Variants in RECK observed in about 807,000 individuals in gnomAD.
RECK encodes the protein reversion inducing cysteine rich protein with kazal motifs.
A neutral mutation model predicts 115.1 loss-of-function variants in RECK; 69 were observed. The ratio of observed to expected loss-of-function variants is 0.60; its 90% CI spans 0.49 to 0.73. The LOEUF (loss-of-function observed/expected upper bound fraction) is 0.73. Ranked by LOEUF, RECK falls within the 30% of genes least tolerant of loss-of-function variation. The pLI is 0.00. For synonymous variants in RECK, 414 were observed against 419.7 expected (o/e 0.99, Z 0.17); for missense variants, 1,047 against 1,203.7 (o/e 0.87, Z 1.93).
chr9:36,043,029 T>G (rs1380260773), intron 1 of RECK, among the ~76,000 whole-genome samples: 1 of 120,168 alleles, frequency 8.3e-6, no homozygotes, highest in African/African-American at 3.4e-5. Context: ...TTTTTTTTTT[T>G]TTTTTTTTTT....
intron 9 of RECK, among the ~76,000 whole-genome samples, chr9:36,088,475 G>A (rs887084699): frequency 7.2e-5 from 11 of 152,144 alleles, no homozygotes; most frequent in African/African-American, 2.7e-4. Flanking sequence ...TTGCAGTCTA[G>A]AGACAAAAAC....
chr9:36,084,191 G>C lies in RECK; in HGVS notation c.637+629G>C, dbSNP rs114674972. ...CAGGCAGATCGTTTTGCGCTCAGGA[G>C]TTTGAGACCAGCCTGGGCAACATGG... On this transcript the variant is annotated intron_variant, in intron 8 of 20. Transcript: ENST00000377966. Among the ~76,000 whole-genome samples the C allele has an allele frequency of 9.1e-3, 1,388 of 152,026 alleles. 12 individuals are homozygous for C. The highest frequency in any genetic ancestry group is 0.032 in the African/African-American group (1,326 of 41,464).
chr9:36,071,185 T>C (rs1393272909), intron 6 of RECK, among the ~76,000 whole-genome samples: 1 of 152,060 alleles, frequency 6.6e-6, no homozygotes, highest in Non-Finnish European at 1.5e-5. Context: ...ACAGTGTAGA[T>C]TCTTTTTGCA....
At position 36,105,130 on chromosome 9, in the gene RECK, T is replaced by C; in HGVS notation, c.1436-13T>C. ...TTTAGGTTGGTTAAACTAATCTGTT[T>C]TGGTTTTTTCAGGGCCAAGTACTTT... On this transcript the variant is annotated splice_polypyrimidine_tract_variant and intron_variant, in intron 12 of 20. Coordinates refer to ENST00000377966, the MANE Select transcript of RECK (RefSeq NM_021111.3). 6.2e-7 allele frequency: 1 copy of C among 1,612,580 alleles called. No homozygotes were observed. The highest frequency in any genetic ancestry group is 1.1e-5 in the South Asian group (1 of 90,908).
Position 36,117,067 on chromosome 9 carries a change from G to T in RECK, c.2143G>T (p.Ala715Ser). 6.2e-7 allele frequency: 1 copy of T among 1,614,092 alleles called. No individual in the cohort carries two copies. The highest frequency in any genetic ancestry group is 2.2e-5 in the East Asian group (1 of 44,888). ...GTATGAGTGTGTACCAAGACAGCTC[G>T]CGTGTGACCAGGTCCAAGATCCTGT... ...SQYECVPRQL[A>S]CDQVQDPVCD... Residue 715 changes from alanine (A) to serine (S), a missense_variant, in exon 17 of 21, where the codon GCG (alanine) becomes TCG (serine). By Grantham distance (99) the Ala-to-Ser change is moderately conservative. Transcript: ENST00000377966.
rs1262356892 is a variant in RECK, at chr9:36,080,585, T to C, written c.406-20T>C. ...CTCTGGTTGTTAATTTCTGTTTATTTGTTTTTCTTCAATTTACAGAATGCT... is the reference window on the plus strand; with the variant it reads ...CTCTGGTTGTTAATTTCTGTTTATTCGTTTTTCTTCAATTTACAGAATGCT... On this transcript the variant is annotated intron_variant, in intron 6 of 20. Coordinates refer to ENST00000377966, the MANE Select transcript of RECK (RefSeq NM_021111.3). 3 of 1,588,454 alleles carry C rather than the reference T, an allele frequency of 1.9e-6. No homozygotes were observed.
chr9:36,057,781 A>G (rs1489348105), intron 2 of RECK, among the ~76,000 whole-genome samples: 1 of 152,144 alleles, frequency 6.6e-6, no homozygotes, highest in Non-Finnish European at 1.5e-5. Context: ...AGATCACACC[A>G]CTACACCCCA....
intron 1 of RECK, among the ~76,000 whole-genome samples, chr9:36,039,044 A>G (rs1019865957): frequency 3.9e-5 from 6 of 152,358 alleles, no homozygotes; most frequent in African/African-American, 1.4e-4. Context: ...GTTTGCTCAT[A>G]AAATTCTTTT....
At chr9:36,059,598 T>C (rs1012600135) in intron 3 of RECK, among the ~76,000 whole-genome samples, 5 of 152,342 alleles carry the variant, frequency 3.3e-5, no homozygotes, top group East Asian at 1.9e-4. Context: ...ATATGACTTA[T>C]TATCTTCCAA....
At chr9:36,062,602 C>T (rs186072246) in intron 4 of RECK, among the ~76,000 whole-genome samples, 73 of 152,134 alleles carry the variant, frequency 4.8e-4, no homozygotes, top group African/African-American at 1.2e-3. Flanking sequence ...CTCACCCTCC[C>T]GAGTAGTTTG....
At chr9:36,089,463 A>G (rs562479697) in intron 9 of RECK, among the ~76,000 whole-genome samples, 6 of 152,378 alleles carry the variant, frequency 3.9e-5, no homozygotes, top group South Asian at 2.1e-4. Flanking sequence ...ATGAGATGTT[A>G]AATAACCTGT....
chr9:36,049,999 T>C (rs918019142), intron 1 of RECK, among the ~76,000 whole-genome samples: 6 of 152,210 alleles, frequency 3.9e-5, no homozygotes, highest in African/African-American at 1.4e-4. Flanking sequence ...ATTCTTTCTC[T>C]TAATTATCTT....
chr9:36,044,136 A>G (rs1422749011), intron 1 of RECK, among the ~76,000 whole-genome samples: 7 of 151,988 alleles, frequency 4.6e-5, no homozygotes, highest in Admixed American at 4.6e-4. Context: ...TGTTGTCTGT[A>G]ATTTCCTTCA....
chr9:36,100,408 G>C lies in RECK; in HGVS notation c.1163G>C (p.Gly388Ala). ...AMNDMKLWEKGSIKMPFINIP... is the reference protein window; with the variant it reads ...AMNDMKLWEKASIKMPFINIP... ...AATGACATGAAGTTGTGGGAGAAAG[G>C]AAGCATAAAGATGCCATTTATCAAT... The change falls in exon 11 of 21, where the codon GGA becomes GCA. Residue 388 changes from glycine to alanine, a missense_variant. By Grantham distance (60) the Gly-to-Ala change is moderately conservative (BLOSUM62 0). Coordinates refer to ENST00000377966, the MANE Select transcript of RECK (RefSeq NM_021111.3). The C allele has an allele frequency of 6.2e-7, 1 of 1,614,094 alleles. No individual in the cohort carries two copies. The highest frequency in any genetic ancestry group is 8.5e-7 in the Non-Finnish European group (1 of 1,179,964).
intron 1 of RECK, among the ~76,000 whole-genome samples, chr9:36,045,071 C>CG (rs1027776514): frequency 7.2e-5 from 11 of 151,920 alleles, no homozygotes; most frequent in Non-Finnish European, 1.2e-4. Flanking sequence ...GCAAATGATT[C>CG]GGGAAAAAAA....
chr9:36,080,596 A>C lies in RECK; in HGVS notation c.406-9A>C, dbSNP rs758824402. Reference sequence around the variant, plus strand: ...AATTTCTGTTTATTTGTTTTTCTTCAATTTACAGAATGCTCTTTTCAGTTG... The same window carrying C: ...AATTTCTGTTTATTTGTTTTTCTTCCATTTACAGAATGCTCTTTTCAGTTG... On this transcript the variant is annotated splice_polypyrimidine_tract_variant and intron_variant, in intron 6 of 20. Transcript: ENST00000377966. The C allele has an allele frequency of 6.2e-6, 10 of 1,602,796 alleles. No homozygotes were observed. The African/African-American group carries it at 1.2e-4, about 19-fold the overall frequency.
At chr9:36,121,456 G>C in intron 19 of RECK, 77 bp from the exon 20 acceptor site, 1 of 1,407,866 alleles carries the variant, frequency 7.1e-7, no homozygotes. Flanking sequence ...TCCTCAGCTG[G>C]CAGCCCAAAG....
chr9:36,115,413 A>C (rs983743405), intron 16 of RECK, among the ~76,000 whole-genome samples: 1 of 149,984 alleles, frequency 6.7e-6, no homozygotes, highest in Non-Finnish European at 1.5e-5. Context: ...TTAGGACATA[A>C]CAACAAACAA....
rs960262859 is a variant in RECK at position 36,108,039 on chromosome 9, C to A, written c.1640C>A (p.Ser547Ter). 1.7e-5 allele frequency: 27 copies of A among 1,613,982 alleles called. No individual in the cohort carries two copies. The highest frequency in any genetic ancestry group is 2.2e-5 in the Non-Finnish European group (26 of 1,180,006). The stretch of plus-strand genomic sequence containing the variant: ...CAAGGGACACTAATCCAGGTGCCAT[C>A]ATCTGCAGGGGAAGTTGGTTGTTAT... ...VRQGTLIQVP[S>*]SAGEVGCYKI... The change falls in exon 14 of 21, where the codon TCA becomes TAA. Residue 547 changes from serine to a stop codon, truncating the protein, a stop_gained. Transcript: ENST00000377966. LOFTEE classifies it high-confidence loss of function.
Sources: allele counts gnomAD v4.1 joint callset (sites outside exome capture counted in the v4.1 genomes callset), GRCh38; gene constraint gnomAD v4.1.1; transcripts MANE v1.5; gene names NCBI Gene and HGNC (gene_info 2026-07-23, HGNC 2026-07-21).